Variants in SPAG9 observed in about 807,000 individuals in gnomAD.
SPAG9 encodes the protein C-Jun-amino-terminal kinase-interacting protein 4.
A neutral mutation model predicts 166.5 loss-of-function variants in SPAG9; 35 were observed. The ratio of observed to expected loss-of-function variants is 0.21; its 90% CI spans 0.16 to 0.28. SPAG9 has a LOEUF of 0.28. SPAG9 is among the 10% of genes least tolerant of loss of function. The pLI, the probability that SPAG9 is intolerant of heterozygous loss-of-function variation, is 1.00. For missense variants in SPAG9, 1,235 were observed against 1,603.3 expected (o/e 0.77, Z 3.92); for synonymous variants, 534 against 565.5 (o/e 0.94, Z 0.79).
At chr17:51,106,202 T>G (rs1433695351) in intron 1 of SPAG9, among the ~76,000 whole-genome samples, 1 of 146,480 alleles carries the variant, frequency 6.8e-6, no homozygotes. Context: ...ACTCAGGAGG[T>G]TGAGGCAAAA....
At chr17:50,986,338 C>A (rs1160158499) in intron 22 of SPAG9, among the ~76,000 whole-genome samples, 1 of 152,244 alleles carries the variant, frequency 6.6e-6, no homozygotes, top group Non-Finnish European at 1.5e-5. Flanking sequence ...AGTTTGCCAA[C>A]TCTTCACTTT....
intron 27 of SPAG9, 188 bp downstream of exon 27, chr17:50,976,914 TTAATTA>T (rs1974248462): frequency 2.3e-6 from 1 of 443,810 alleles, no homozygotes; most frequent in East Asian, 3.9e-5. Context: ...CGAAAAACTT[TTAATTA>T]TGAGTATTGG....
At chr17:51,115,414 TC>T (rs2049257591) in intron 1 of SPAG9, among the ~76,000 whole-genome samples, 7 of 118,384 alleles carry the variant, frequency 5.9e-5, no homozygotes, top group Admixed American at 2.7e-4. Flanking sequence ...CTTGAACTCA[TC>T]CTTTTTTTTT....
intron 3 of SPAG9, among the ~76,000 whole-genome samples, chr17:51,053,739 G>A (rs2047245728): frequency 6.7e-6 from 1 of 149,404 alleles, no homozygotes; most frequent in South Asian, 2.1e-4. Flanking sequence ...TTGGGAAGCT[G>A]ATGTGGGAGG....
intron 2 of SPAG9, among the ~76,000 whole-genome samples, 187 bp from the exon 3 acceptor site, chr17:51,056,669 G>A (rs753719434): frequency 1.3e-5 from 2 of 151,954 alleles, no homozygotes; most frequent in Admixed American, 6.6e-5. Flanking sequence ...TCAGACGAGC[G>A]GAATACCTTA....
At chr17:51,115,408 A>C (rs1039714593) in intron 1 of SPAG9, among the ~76,000 whole-genome samples, 1 of 141,072 alleles carries the variant, frequency 7.1e-6, no homozygotes, top group South Asian at 2.2e-4. Flanking sequence ...CCCAGGCTTG[A>C]ACTCATCCTT....
At position 51,066,567 on chromosome 17, in the gene SPAG9, G is replaced by GAAAAGAA. The variant is rs752790611; in HGVS notation, c.425-10086_425-10085insTTCTTTT. On this transcript the variant is annotated intron_variant, in intron 2 of 29. Transcript: ENST00000262013. ...GAGACTCTGTCTCAAAAAAAAAAAAGAAAAAAAAAAAAAAGACCATGGCTC... is the reference window on the plus strand; with the variant it reads ...GAGACTCTGTCTCAAAAAAAAAAAAGAAAAGAAAAAAAAAAAAAAAAGACCATGGCTC... Among the ~76,000 whole-genome samples, 19 of 110,840 alleles carry GAAAAGAA rather than the reference G, an allele frequency of 1.7e-4. No homozygotes were observed. The East Asian group carries it at 5.2e-3, about 30-fold the overall frequency. 72.7% of individuals were successfully genotyped at this position (110,840 alleles called of 152,430 possible). A position where few individuals can be genotyped will look rare whatever the true frequency, so the allele number is the denominator to read the frequency against.
chr17:50,991,780 C>T (rs1042648671), intron 19 of SPAG9, among the ~76,000 whole-genome samples: 3 of 151,922 alleles, frequency 2.0e-5, no homozygotes, highest in Non-Finnish European at 4.4e-5. Flanking sequence ...CCTGCCACTG[C>T]ACCTGGCTAA....
At chr17:51,014,921 G>A (rs913520678) in intron 8 of SPAG9, among the ~76,000 whole-genome samples, 1 of 151,948 alleles carries the variant, frequency 6.6e-6, no homozygotes, top group Non-Finnish European at 1.5e-5. Flanking sequence ...GGGGTGTATA[G>A]GGGAATGGGG....
At chr17:51,108,147 G>C (rs1478589470) in intron 1 of SPAG9, among the ~76,000 whole-genome samples, 2 of 151,656 alleles carry the variant, frequency 1.3e-5, no homozygotes, top group Non-Finnish European at 2.9e-5. Flanking sequence ...AGCATTTTGG[G>C]AGGCTGAGGC....
At position 51,005,251 on chromosome 17, in the gene SPAG9, T is replaced by G; in HGVS notation, c.1437A>C (p.Glu479Asp). The change falls in exon 12 of 30, where the codon GAA (glutamate) becomes GAC (aspartate). Residue 479 changes from glutamate to aspartate, a missense_variant. Physicochemically the swap from Glu to Asp is conservative, Grantham distance 45. This residue lies in a region of SPAG9 where 125 missense variants were observed against 194.0 expected (regional missense o/e 0.64). Transcript: ENST00000262013. ...TTGCTTTTTGCCTTGCATCTTCAGC[T>G]TCTGCCCGAGCTCTAGTGGGGAAAA... ...LEEELRKARA[E>D]AEDARQKAKD... is the part of the protein sequence containing the mutation. 6.8e-6 allele frequency: 11 copies of G among 1,614,074 alleles called. No homozygotes were observed. Among genetic ancestry groups the G allele is most frequent in the Non-Finnish European group, 8.5e-6 (10 of 1,179,958 alleles).
chr17:51,053,855 G>GTGTATA (rs1491377804), intron 3 of SPAG9, among the ~76,000 whole-genome samples: 26 of 37,722 alleles, frequency 6.9e-4, no homozygotes, highest in African/African-American at 2.6e-3. Context: ...AAAAAAAAAA[G>GTGTATA]TATATATATA....
intron 1 of SPAG9, among the ~76,000 whole-genome samples, chr17:51,094,091 C>A (rs572856483): frequency 6.6e-6 from 1 of 152,092 alleles, no homozygotes; most frequent in Non-Finnish European, 1.5e-5. Context: ...GCTTACCTAC[C>A]ACTCCACCAG....
Position 51,005,216 on chromosome 17 carries a change from T to A in SPAG9, c.1472A>T (p.Asp491Val). 6.2e-7 allele frequency: 1 copy of A among 1,614,004 alleles called. No individual in the cohort carries two copies. Among genetic ancestry groups the A allele is most frequent in the Non-Finnish European group, 8.5e-7 (1 of 1,179,914 alleles). The change falls in exon 12 of 30, where the codon GAT becomes GTT. Residue 491 changes from aspartate to valine, a missense_variant. Physicochemically the swap from Asp to Val is radical, Grantham distance 152. This residue lies in a region of SPAG9 where 125 missense variants were observed against 194.0 expected (regional missense o/e 0.64). Transcript: ENST00000262013. The stretch of plus-strand genomic sequence containing the variant: ...AGTCCAAAATTGTAAACCTACATCA[T>A]CGTCATCTTTTGCTTTTTGCCTTGC... Reference protein sequence around the residue: ...EDARQKAKDDDDSDIPTAQRK... With the variant: ...EDARQKAKDDVDSDIPTAQRK...
chr17:51,091,273 CAAAAAA>C (rs77408635), intron 1 of SPAG9, among the ~76,000 whole-genome samples: 47 of 49,180 alleles, frequency 9.6e-4, no homozygotes, highest in African/African-American at 2.9e-3. Context: ...ACCCTGTATA[CAAAAAA>C]AAAAAAAAAA....
At chr17:51,095,938 GATATAGTTATAT>G (rs1293307348) in intron 1 of SPAG9, among the ~76,000 whole-genome samples, 4 of 121,608 alleles carry the variant, frequency 3.3e-5, no homozygotes, top group Admixed American at 8.4e-5. Context: ...TATATATAGT[GATATAGTTATAT>G]ATATAGTGAT....
intron 25 of SPAG9, among the ~76,000 whole-genome samples, chr17:50,981,134 G>C (rs1057399902): frequency 6.6e-6 from 1 of 152,052 alleles, no homozygotes; most frequent in Non-Finnish European, 1.5e-5. Context: ...AAATCTGAAA[G>C]TGTTTAAGTG....
rs1408781961 is a variant in SPAG9, at chr17:51,120,094, C to A, written c.303+260G>T. Among the ~76,000 whole-genome samples, 1 of 152,256 alleles carries A rather than the reference C, an allele frequency of 6.6e-6. No homozygotes were observed. The highest frequency in any genetic ancestry group is 1.5e-5 in the Non-Finnish European group (1 of 68,046). ...TTGGCCAACCCCAGGTGTCCTCAGG[C>A]CAGGCTGCCGCTTCCTCCCCGGGCC... On this transcript the variant is annotated intron_variant, in intron 1 of 29. Transcript: ENST00000262013. The surrounding 1 kb of genome is among the most constrained non-coding windows in gnomAD (Gnocchi z 4.7).
rs114074164 is a variant in SPAG9 at position 50,980,696 on chromosome 17, C to G, written c.3238-779G>C. On this transcript the variant is annotated intron_variant, in intron 25 of 29. Coordinates refer to ENST00000262013, the MANE Select transcript of SPAG9 (RefSeq NM_001130528.3). ...CAGCCTGGGAAACATGGTGACATCC[C>G]AACTCTAAATACAAAAATTAGCTGG... is the stretch of plus-strand genomic sequence containing the variant. 6.5e-3 allele frequency among the ~76,000 whole-genome samples: 995 copies of G among 151,950 alleles called. 8 individuals are homozygous for G. The highest frequency in any genetic ancestry group is 0.022 in the African/African-American group (929 of 41,476).
Sources: allele counts gnomAD v4.1 joint callset (sites outside exome capture counted in the v4.1 genomes callset), GRCh38; gene constraint gnomAD v4.1.1; regional missense constraint gnomAD v4.1.1; non-coding constraint Gnocchi (gnomAD v3.1); transcripts MANE v1.5; gene names NCBI Gene and HGNC (gene_info 2026-07-23, HGNC 2026-07-21).